ARIH1: variants seen among roughly 807,000 people sequenced by gnomAD.
ARIH1 encodes ariadne RBR E3 ubiquitin protein ligase 1.
Under a neutral mutation model 85.0 loss-of-function variants are expected in ARIH1, and 8 were observed. The observed-to-expected ratio is 0.09, with a 90% CI of 0.06 to 0.17. ARIH1 has a LOEUF of 0.17. Ranked by LOEUF, ARIH1 falls within the 10% of genes least tolerant of loss-of-function variation. The pLI is 1.00. For missense variants in ARIH1, 311 were observed against 718.1 expected, an observed-to-expected ratio of 0.43 and a Z score of 6.48; for synonymous variants, 238 against 253.6, an observed-to-expected ratio of 0.94 and a Z score of 0.59.
chr15:72,565,679 C>G (rs1452681921), intron 7 of ARIH1, among the ~76,000 whole-genome samples: 1 of 152,152 alleles, frequency 6.6e-6, no homozygotes, highest in Non-Finnish European at 1.5e-5. Context: ...ATAGAGAATA[C>G]AGCAGTGAAT....
chr15:72,512,016 C>G (rs986813699), intron 1 of ARIH1, among the ~76,000 whole-genome samples: 7 of 152,070 alleles, frequency 4.6e-5, no homozygotes, highest in African/African-American at 1.7e-4. Context: ...CAGGACGAAC[C>G]CCACTTGATT....
At chr15:72,562,796 AC>A (rs2064202721) in intron 6 of ARIH1, among the ~76,000 whole-genome samples, 1 of 152,118 alleles carries the variant, frequency 6.6e-6, no homozygotes, top group South Asian at 2.1e-4. Context: ...ATGGTCACAT[AC>A]ATGATATTTA....
chr15:72,509,581 T>A (rs746309041), intron 1 of ARIH1, among the ~76,000 whole-genome samples: 3 of 152,110 alleles, frequency 2.0e-5, no homozygotes, highest in Non-Finnish European at 2.9e-5. Context: ...ACTTATTTAT[T>A]TCTATTTATT....
At chr15:72,488,435 G>A (rs1037504851) in intron 1 of ARIH1, among the ~76,000 whole-genome samples, 4 of 152,176 alleles carry the variant, frequency 2.6e-5, no homozygotes, top group East Asian at 3.9e-4. Context: ...GGCTGGCTGC[G>A]GTGGCTCATC....
intron 1 of ARIH1, among the ~76,000 whole-genome samples, chr15:72,487,693 C>G (rs907154967): frequency 6.6e-6 from 1 of 151,856 alleles, no homozygotes; most frequent in African/African-American, 2.4e-5. Context: ...CATGTTGTTG[C>G]TATCCTTTTT....
Position 72,485,518 on chromosome 15 carries a change from G to A in ARIH1, c.375+10504G>A, listed in dbSNP as rs376512486. Among the ~76,000 whole-genome samples the A allele has an allele frequency of 4.0e-5, 6 of 151,816 alleles. No individual in the cohort carries two copies. In the East Asian group the frequency reaches 1.2e-3, roughly 29 times the overall value. ...TGTGATGCATCTCAATACAGTGTTTGCCTATTGATTTTTTTTTTTAATGGA... is the reference window on the plus strand; with the variant it reads ...TGTGATGCATCTCAATACAGTGTTTACCTATTGATTTTTTTTTTTAATGGA... On this transcript the variant is annotated intron_variant, in intron 1 of 13. Transcript: ENST00000379887.
At chr15:72,559,808 T>C (rs759280266) in intron 5 of ARIH1, among the ~76,000 whole-genome samples, 2 of 152,206 alleles carry the variant, frequency 1.3e-5, no homozygotes, top group South Asian at 4.1e-4. Flanking sequence ...CTTTTGTGAT[T>C]GGCTTCTTTA....
Position 72,582,125 on chromosome 15 carries a change from T to G in ARIH1, c.1527T>G (p.Leu509=). The G allele has an allele frequency of 1.2e-6, 2 of 1,613,588 alleles. No homozygotes were observed. The highest frequency in any genetic ancestry group is 2.2e-5 in the South Asian group (2 of 91,064). Residue 509 remains leucine (L), a synonymous_variant, in exon 13 of 14, where the codon CTT becomes CTG. Coordinates refer to ENST00000379887, the MANE Select transcript of ARIH1 (RefSeq NM_005744.5). This position sits in a 1 kb window ranked among gnomAD's most constrained non-coding sequence, Gnocchi z 4.6. The stretch of plus-strand genomic sequence containing the variant: ...CCACAGAGGTGCTCTCGGGCTACCT[T>G]GAACGAGATATTTCCCAAGATTCTC... The part of the protein sequence containing the change: ...ENATEVLSGY[L]ERDISQDSLQ...
In ARIH1 at chr15:72,592,035, T is replaced by G. The variant is rs1277376039; in HGVS notation, c.*8743T>G. On this transcript the variant is annotated 3_prime_UTR_variant, in exon 14 of 14. Coordinates refer to ENST00000379887, the MANE Select transcript of ARIH1 (RefSeq NM_005744.5). ...GGTCAGGGCAGCAAATGCTAGAGAG[T>G]GGGATTAATGAAAAGTTATAGTGTT... 2 of 152,120 alleles carry G rather than the reference T, an allele frequency of 1.3e-5. No individual in the cohort carries two copies. Among genetic ancestry groups the G allele is most frequent in the Non-Finnish European group, 2.9e-5 (2 of 67,998 alleles). The allele number at this position is 152,120 out of a possible 1,614,324, so 9.4% of individuals were successfully genotyped here. A position where few individuals can be genotyped will look rare whatever the true frequency, so the allele number is the denominator to read the frequency against.
At chr15:72,571,724 G>T (rs886321361) in intron 10 of ARIH1, among the ~76,000 whole-genome samples, 4 of 152,154 alleles carry the variant, frequency 2.6e-5, no homozygotes, top group African/African-American at 4.8e-5. Context: ...TAAGAGATAA[G>T]ATTATCTCTT....
At chr15:72,570,364 T>C (rs1177443769) in intron 10 of ARIH1, 57 bp downstream of exon 10, 6 of 1,598,742 alleles carry the variant, frequency 3.8e-6, no homozygotes, top group Non-Finnish European at 1.7e-6. Flanking sequence ...CCATGTATTA[T>C]GAATAACATT....
chr15:72,531,724 TAGTA>T (rs549074468), intron 2 of ARIH1, among the ~76,000 whole-genome samples: 152 of 152,346 alleles, frequency 1.0e-3, no homozygotes, highest in Admixed American at 2.7e-3. Flanking sequence ...GTGAAAGTGA[TAGTA>T]AGATGATACC....
chr15:72,599,963 C>CAG lies in ARIH1; in HGVS notation c.*16672_*16673dup, dbSNP rs1555491059. 1 of 151,958 alleles carries CAG rather than the reference C, an allele frequency of 6.6e-6. No individual in the cohort carries two copies. The highest frequency in any genetic ancestry group is 1.5e-5 in the Non-Finnish European group (1 of 67,962). 9.4% of individuals were successfully genotyped at this position (151,958 alleles called of 1,614,324 possible). On this transcript the variant is annotated 3_prime_UTR_variant, in exon 14 of 14. Transcript: ENST00000379887. ...CATATTATTTTGAAGTGATATTTCC[C>CAG]AGTGTTGGCTGGACTCTCAAGCGTT... is the stretch of plus-strand genomic sequence containing the variant.
chr15:72,494,088 C>T (rs986003574), intron 1 of ARIH1, among the ~76,000 whole-genome samples: 1 of 151,992 alleles, frequency 6.6e-6, no homozygotes, highest in African/African-American at 2.4e-5. Context: ...CCTAAATAAT[C>T]GTGTTATAGT....
intron 1 of ARIH1, among the ~76,000 whole-genome samples, chr15:72,486,901 G>A (rs1332114925): frequency 6.6e-6 from 1 of 151,370 alleles, no homozygotes; most frequent in African/African-American, 2.4e-5. Flanking sequence ...CACCATGTTG[G>A]CCAGGCTGGT....
chr15:72,558,149 G>T (rs2064182710), intron 5 of ARIH1, among the ~76,000 whole-genome samples: 1 of 152,224 alleles, frequency 6.6e-6, no homozygotes, highest in Non-Finnish European at 1.5e-5. Flanking sequence ...TGTTCAGTAT[G>T]ATGTTGGCTA....
chr15:72,495,218 G>C (rs1041476689), intron 1 of ARIH1, among the ~76,000 whole-genome samples: 2 of 152,134 alleles, frequency 1.3e-5, no homozygotes, highest in Non-Finnish European at 2.9e-5. Flanking sequence ...GAGGCTGAGT[G>C]GGGGAAATGG....
intron 1 of ARIH1, among the ~76,000 whole-genome samples, chr15:72,483,882 A>G (rs1351673243): frequency 2.0e-5 from 3 of 151,716 alleles, no homozygotes; most frequent in Non-Finnish European, 4.4e-5. Context: ...AGAAAATTGT[A>G]GATTCACAGC....
intron 1 of ARIH1, among the ~76,000 whole-genome samples, chr15:72,511,955 A>C (rs2063952672): frequency 1.3e-5 from 2 of 152,084 alleles, no homozygotes; most frequent in Admixed American, 1.3e-4. Context: ...TTAGGCTTTT[A>C]GTGTGGTAAT....
Sources: gnomAD v4.1 joint callset for allele counts (sites outside exome capture counted in the v4.1 genomes callset) on GRCh38, gnomAD v4.1.1 for gene constraint, Gnocchi (gnomAD v3.1) non-coding constraint, MANE v1.5 for transcripts, NCBI Gene and HGNC (gene_info 2026-07-23, HGNC 2026-07-21) for gene names.